The following NR3C2 variants were observed in gnomAD, a reference collection of about 807,000 sequenced individuals.
The protein encoded by NR3C2 is nuclear receptor subfamily 3 group C member 2.
NR3C2 carries 15 observed loss-of-function variants against 86.4 expected under a neutral mutation model. The ratio of observed to expected loss-of-function variants is 0.17; its 90% CI spans 0.12 to 0.27. The LOEUF is 0.27. NR3C2 is among the 10% of genes least tolerant of loss of function. The pLI is 1.00. For missense variants in NR3C2, 960 were observed against 1,195.6 expected (o/e 0.80, Z 2.91); for synonymous variants, 458 against 450.5 (o/e 1.02, Z -0.21).
At chr4:148,426,579 C>T (rs1344761512) in intron 2 of NR3C2, among the ~76,000 whole-genome samples, 1 of 152,196 alleles carries the variant, frequency 6.6e-6, no homozygotes, top group Non-Finnish European at 1.5e-5. Context: ...ATGACTTAAG[C>T]ACGATCTTGG....
At chr4:148,105,125 C>T (rs975573530) in intron 8 of NR3C2, among the ~76,000 whole-genome samples, 24 of 152,034 alleles carry the variant, frequency 1.6e-4, no homozygotes, top group African/African-American at 4.6e-4. Context: ...AGGACCACAG[C>T]GAGATGCAAA....
At chr4:148,356,189 C>T (rs1392837082) in intron 2 of NR3C2, among the ~76,000 whole-genome samples, 2 of 152,186 alleles carry the variant, frequency 1.3e-5, no homozygotes, top group South Asian at 2.1e-4. Flanking sequence ...CAAAGAAAGC[C>T]ACATTGCTGT....
intron 3 of NR3C2, among the ~76,000 whole-genome samples, chr4:148,239,143 G>C (rs1457904382): frequency 6.6e-6 from 1 of 152,220 alleles, no homozygotes; most frequent in African/African-American, 2.4e-5. Context: ...GAAGTATTCT[G>C]AGGAAGCTTG....
intron 2 of NR3C2, among the ~76,000 whole-genome samples, chr4:148,311,700 AAGTC>A (rs1169583985): frequency 6.6e-6 from 1 of 152,342 alleles, no homozygotes; most frequent in African/African-American, 2.4e-5. Flanking sequence ...GTGACAACTT[AAGTC>A]CTAATAGTGG....
chr4:148,088,024 A>C (rs978352652), intron 8 of NR3C2, among the ~76,000 whole-genome samples: 2 of 152,254 alleles, frequency 1.3e-5, no homozygotes, highest in Admixed American at 6.5e-5. Flanking sequence ...ACAAGAAAAA[A>C]ACAACCCCAT....
intron 2 of NR3C2, among the ~76,000 whole-genome samples, chr4:148,419,095 C>T (rs1579276142): frequency 6.8e-6 from 1 of 147,668 alleles, no homozygotes; most frequent in African/African-American, 2.5e-5. Context: ...GTTGTTTTTC[C>T]TTTTTTTTTT....
At chr4:148,133,427 C>T (rs1362219868) in intron 6 of NR3C2, among the ~76,000 whole-genome samples, 3 of 152,108 alleles carry the variant, frequency 2.0e-5, no homozygotes, top group East Asian at 3.8e-4. Context: ...AAATGACTAT[C>T]GTTTCCTCAC....
intron 2 of NR3C2, among the ~76,000 whole-genome samples, chr4:148,286,533 C>G (rs1741529055): frequency 6.6e-6 from 1 of 152,128 alleles, no homozygotes. Context: ...AGTAAAATAG[C>G]CTCAACAGTC....
intron 6 of NR3C2, among the ~76,000 whole-genome samples, chr4:148,148,648 T>G (rs1733974984): frequency 6.6e-6 from 1 of 152,182 alleles, no homozygotes; most frequent in South Asian, 2.1e-4. Flanking sequence ...TAGATCAACT[T>G]TCCTCCTCGT....
intron 2 of NR3C2, among the ~76,000 whole-genome samples, chr4:148,294,675 A>C (rs1240444027): frequency 3.4e-5 from 2 of 58,234 alleles, no homozygotes; most frequent in South Asian, 6.2e-4. Context: ...GTCCTCATTG[A>C]TATAAAAAAA....
rs1054545177 is a variant in NR3C2, at chr4:148,392,461, C to T, written c.1757+42643G>A. Among the ~76,000 whole-genome samples, 6 of 152,158 alleles carry T rather than the reference C, an allele frequency of 3.9e-5. No homozygotes were observed. In the East Asian group the frequency reaches 7.7e-4, roughly 20 times the overall value. On this transcript the variant is annotated intron_variant, in intron 2 of 8. Transcript: ENST00000358102. The stretch of plus-strand genomic sequence containing the variant: ...CCCACTGCCTTCTAAAGCAGTGATT[C>T]GGAACTCTCTCTTAGGGCATTTGCA...
At chr4:148,442,679 T>C, upstream of NR3C2, 1 of 985,380 alleles carries the variant, frequency 1.0e-6, no homozygotes, top group Non-Finnish European at 1.2e-6. Flanking sequence ...GCGACATGAC[T>C]GATACAAAGT....
At chr4:148,166,810 T>G (rs577924353) in intron 4 of NR3C2, among the ~76,000 whole-genome samples, 1 of 151,588 alleles carries the variant, frequency 6.6e-6, no homozygotes, top group African/African-American at 2.4e-5. Flanking sequence ...CCGTTATCCA[T>G]CAAAGCTGTG....
chr4:148,278,565 G>A (rs558912561), intron 2 of NR3C2, among the ~76,000 whole-genome samples: 6 of 151,866 alleles, frequency 4.0e-5, no homozygotes, highest in African/African-American at 9.7e-5. Flanking sequence ...ATAAATACAC[G>A]TGCGTGCGCG....
intron 2 of NR3C2, among the ~76,000 whole-genome samples, chr4:148,299,730 A>G (rs1431298914): frequency 6.6e-6 from 1 of 152,254 alleles, no homozygotes; most frequent in African/African-American, 2.4e-5. Flanking sequence ...TCCCCATGGC[A>G]TCTTTCCAAA....
At position 148,079,257 on chromosome 4, in the gene NR3C2, G is replaced by A. The variant is rs1262118734; in HGVS notation, c.*2087C>T. ...TGTGGCTTTCATATTACTGTGCACCGTAAGTTGACTGTATTTAAAGATCTG... is the reference window on the plus strand; with the variant it reads ...TGTGGCTTTCATATTACTGTGCACCATAAGTTGACTGTATTTAAAGATCTG... On this transcript the variant is annotated 3_prime_UTR_variant, in exon 9 of 9. Coordinates refer to ENST00000358102, the MANE Select transcript of NR3C2 (RefSeq NM_000901.5). 2.0e-5 allele frequency: 3 copies of A among 152,140 alleles called. No individual in the cohort carries two copies. The highest frequency in any genetic ancestry group is 2.1e-4 in the South Asian group (1 of 4,824). The allele number at this position is 152,140 out of a possible 1,614,324, so 9.4% of individuals were successfully genotyped here.
intron 4 of NR3C2, among the ~76,000 whole-genome samples, chr4:148,189,515 T>C (rs748238258): frequency 6.6e-6 from 1 of 152,202 alleles, no homozygotes; most frequent in African/African-American, 2.4e-5. Flanking sequence ...TTTGGTTATG[T>C]TCTTTCCTGG....
chr4:148,171,647 G>C (rs1474275019), intron 4 of NR3C2, among the ~76,000 whole-genome samples: 2 of 152,212 alleles, frequency 1.3e-5, no homozygotes, highest in Admixed American at 1.3e-4. Context: ...GGCGGCACTT[G>C]CCCATCACTC....
At chr4:148,375,414 C>T (rs1441296998) in intron 2 of NR3C2, among the ~76,000 whole-genome samples, 1 of 151,538 alleles carries the variant, frequency 6.6e-6, no homozygotes, top group Non-Finnish European at 1.5e-5. Context: ...TGAGATTGCA[C>T]CACTGCACTC....
Sources: allele counts gnomAD v4.1 joint callset (sites outside exome capture counted in the v4.1 genomes callset), GRCh38; gene constraint gnomAD v4.1.1; transcripts MANE v1.5; gene names NCBI Gene and HGNC (gene_info 2026-07-23, HGNC 2026-07-21).